Variants in RPS6KA2 observed in about 807,000 individuals in gnomAD.
RPS6KA2 encodes ribosomal protein S6 kinase alpha-2.
RPS6KA2 carries 42 observed loss-of-function variants against 91.8 expected under a neutral mutation model. That is an observed-to-expected ratio of 0.46 (90% CI 0.36 to 0.59). The LOEUF (loss-of-function observed/expected upper bound fraction) is 0.59. RPS6KA2 is among the 20% of genes least tolerant of loss of function. The pLI is 0.00. For synonymous variants in RPS6KA2, 414 were observed against 393.6 expected, an observed-to-expected ratio of 1.05 and a Z score of -0.61; for missense variants, 798 against 978.5, an observed-to-expected ratio of 0.82 and a Z score of 2.46.
intron 2 of RPS6KA2, among the ~76,000 whole-genome samples, chr6:166,845,936 T>C (rs9356523): frequency 0.77 from 117,266 of 151,946 alleles, 45,705 homozygotes; most frequent in Non-Finnish European, 0.83. Flanking sequence ...TTCTTTGAAA[T>C]GATAAATAAA....
chr6:166,555,824 C>T (rs951092837), intron 1 of RPS6KA2, among the ~76,000 whole-genome samples: 2 of 152,134 alleles, frequency 1.3e-5, no homozygotes, highest in African/African-American at 4.8e-5. Context: ...GAGAGGTGGG[C>T]TGCTGTCACC....
At chr6:166,429,147 G>T (rs1402491692) in intron 16 of RPS6KA2, among the ~76,000 whole-genome samples, 1 of 152,038 alleles carries the variant, frequency 6.6e-6, no homozygotes, top group Non-Finnish European at 1.5e-5. Flanking sequence ...GGACATGGAT[G>T]AAATTGGAGA....
At chr6:166,778,342 G>A (rs554937080) in intron 2 of RPS6KA2, among the ~76,000 whole-genome samples, 4 of 152,306 alleles carry the variant, frequency 2.6e-5, no homozygotes, top group African/African-American at 7.2e-5. Context: ...TTCAAGATGC[G>A]TTAAAGGCCA....
At chr6:166,522,982 G>A (rs1343580370) in intron 3 of RPS6KA2, among the ~76,000 whole-genome samples, 5 of 152,150 alleles carry the variant, frequency 3.3e-5, no homozygotes, top group Non-Finnish European at 7.4e-5. Flanking sequence ...CCTTAATAGA[G>A]AATCTTTGTC....
At position 166,504,625 on chromosome 6, in the gene RPS6KA2, A is replaced by C; in HGVS notation, c.460-13T>G. 4.6e-6 allele frequency: 7 copies of C among 1,516,830 alleles called. No individual in the cohort carries two copies. The highest frequency in any genetic ancestry group is 6.4e-6 in the Non-Finnish European group (7 of 1,101,732). 94.0% of individuals were successfully genotyped at this position (1,516,830 alleles called of 1,614,324 possible). A position where few individuals can be genotyped will look rare whatever the true frequency, so the allele number is the denominator to read the frequency against. ...CCGTGAACATGACCTAGTAAGAAAA[A>C]AACAAAAACAAAAACAAAAAACGTT... On this transcript the variant is annotated splice_polypyrimidine_tract_variant and intron_variant, in intron 5 of 20. Coordinates refer to ENST00000265678, the MANE Select transcript of RPS6KA2 (RefSeq NM_021135.6).
rs1786902832 is a variant in RPS6KA2 at position 166,626,920 on chromosome 6, C to T, written c.99+1G>A. On this transcript the variant is annotated splice_donor_variant, in intron 1 of 20. Coordinates refer to ENST00000265678, the MANE Select transcript of RPS6KA2 (RefSeq NM_021135.6). LOFTEE classifies it high-confidence loss of function. The surrounding 1 kb of genome is among the most constrained non-coding windows in gnomAD (Gnocchi z 4.1). The stretch of plus-strand genomic sequence containing the variant: ...GCGCGCCCCGAGGGCGGCCGCATTA[C>T]CTCGAGCCGGCTCAGGCTGGAGCTC... 1 of 1,526,594 alleles carries T rather than the reference C, an allele frequency of 6.6e-7. No homozygotes were observed. Among genetic ancestry groups the T allele is most frequent in the Non-Finnish European group, 8.8e-7 (1 of 1,134,276 alleles). 94.6% of individuals were successfully genotyped at this position (1,526,594 alleles called of 1,614,324 possible).
intron 2 of RPS6KA2, among the ~76,000 whole-genome samples, chr6:166,851,318 C>G (rs1293716886): frequency 6.6e-6 from 1 of 152,212 alleles, no homozygotes; most frequent in African/African-American, 2.4e-5. Flanking sequence ...ACCTGCTGCT[C>G]CGCACACTAG....
chr6:166,462,627 C>T lies in RPS6KA2; in HGVS notation c.973-3076G>A, dbSNP rs151238389. Among the ~76,000 whole-genome samples, 610 of 152,316 alleles carry T rather than the reference C, an allele frequency of 4.0e-3. 2 individuals are homozygous for T. Among genetic ancestry groups the T allele is most frequent in the South Asian group, 0.012 (59 of 4,822 alleles). ...TGCTCTGCCCCATCTGTGCCTAGCCCGGTGCTGCGAGTCACCTGGGATGCC... is the reference window on the plus strand; with the variant it reads ...TGCTCTGCCCCATCTGTGCCTAGCCTGGTGCTGCGAGTCACCTGGGATGCC... On this transcript the variant is annotated intron_variant, in intron 11 of 20. Coordinates refer to ENST00000265678, the MANE Select transcript of RPS6KA2 (RefSeq NM_021135.6).
intron 2 of RPS6KA2, among the ~76,000 whole-genome samples, chr6:166,655,447 C>A (rs1308800259): frequency 6.6e-6 from 1 of 152,218 alleles, no homozygotes; most frequent in East Asian, 1.9e-4. Context: ...AGGGAACAAA[C>A]AGAGCGGACT....
rs1006160023 is a variant in RPS6KA2 at position 166,737,813 on chromosome 6, T to A, written c.123+120387A>T. Among the ~76,000 whole-genome samples, 3 of 152,218 alleles carry A rather than the reference T, an allele frequency of 2.0e-5. No homozygotes were observed. The highest frequency in any genetic ancestry group is 4.4e-5 in the Non-Finnish European group (3 of 68,040). On this transcript the variant is annotated intron_variant, in intron 2 of 21. Coordinates refer to the RPS6KA2 transcript ENST00000503859. This position sits in a 1 kb window ranked among gnomAD's most constrained non-coding sequence, Gnocchi z 4.3. Reference sequence around the variant, plus strand: ...GAACTCTAAATTAAACTCAAATCCCTTTGGTTATTTTTAAATCTGTATTAG... The same window carrying A: ...GAACTCTAAATTAAACTCAAATCCCATTGGTTATTTTTAAATCTGTATTAG...
intron 2 of RPS6KA2, among the ~76,000 whole-genome samples, chr6:166,751,703 G>T (rs55665469): frequency 0.017 from 2,580 of 152,362 alleles, 70 homozygotes; most frequent in African/African-American, 0.059. Context: ...CAGCCAGTTG[G>T]ATCAAACTTT....
At position 166,498,534 on chromosome 6, in the gene RPS6KA2, C is replaced by G; in HGVS notation, c.721G>C (p.Asp241His). 1 of 1,612,568 alleles carries G rather than the reference C, an allele frequency of 6.2e-7. No homozygotes were observed. The highest frequency in any genetic ancestry group is 8.5e-7 in the Non-Finnish European group (1 of 1,179,692). The change falls in exon 8 of 21, where the codon GAC becomes CAC. Residue 241 changes from aspartate to histidine, a missense_variant. Coordinates refer to ENST00000265678, the MANE Select transcript of RPS6KA2 (RefSeq NM_021135.6). The stretch of plus-strand genomic sequence containing the variant: ...ATGAGCACGCCGAAGGACCACCAGT[C>G]GGCACTCTGCGTGTGTCCTCGCCGG... ...VNRRGHTQSA[D>H]WWSFGVLMFE...
At chr6:166,638,913 T>C (rs748800818) in intron 2 of RPS6KA2, among the ~76,000 whole-genome samples, 1 of 152,182 alleles carries the variant, frequency 6.6e-6, no homozygotes, top group Non-Finnish European at 1.5e-5. Flanking sequence ...AAATGGCTCT[T>C]AAAAAATAAA....
intron 1 of RPS6KA2, among the ~76,000 whole-genome samples, chr6:166,562,340 C>T (rs1784369651): frequency 6.6e-6 from 1 of 152,096 alleles, no homozygotes; most frequent in Admixed American, 6.5e-5. Context: ...TCAGACACTA[C>T]CTATTATTTA....
chr6:166,460,913 G>C (rs1344380821), intron 11 of RPS6KA2: 2 of 152,270 alleles, frequency 1.3e-5, no homozygotes, highest in Admixed American at 1.3e-4. Context: ...CACCTCCTCC[G>C]ATGAGGCCCG....
intron 4 of RPS6KA2, among the ~76,000 whole-genome samples, chr6:166,509,907 T>C (rs925927941): frequency 6.6e-6 from 1 of 152,254 alleles, no homozygotes; most frequent in African/African-American, 2.4e-5. Flanking sequence ...TTACCATTTC[T>C]GGTTTAAAGA....
chr6:166,848,623 A>G (rs986210749), intron 2 of RPS6KA2, among the ~76,000 whole-genome samples: 15 of 152,328 alleles, frequency 9.8e-5, no homozygotes, highest in Non-Finnish European at 1.5e-4. Context: ...GGAACTGGAG[A>G]CCATTATTCT....
At chr6:166,475,028 C>T (rs1429761336) in intron 10 of RPS6KA2, among the ~76,000 whole-genome samples, 1 of 152,128 alleles carries the variant, frequency 6.6e-6, no homozygotes, top group Non-Finnish European at 1.5e-5. Flanking sequence ...CTTTGAAGTC[C>T]CTGGATTTGC....
intron 2 of RPS6KA2, among the ~76,000 whole-genome samples, chr6:166,842,956 G>A (rs1049040187): frequency 3.3e-5 from 5 of 152,148 alleles, no homozygotes; most frequent in African/African-American, 9.6e-5. Flanking sequence ...CTGAAAAACC[G>A]TGAGTCTGCC....
Sources: gnomAD v4.1 joint callset for allele counts (sites outside exome capture counted in the v4.1 genomes callset) on GRCh38, gnomAD v4.1.1 for gene constraint, Gnocchi (gnomAD v3.1) non-coding constraint, MANE v1.5 for transcripts, NCBI Gene and HGNC (gene_info 2026-07-23, HGNC 2026-07-21) for gene names.